Variants in DISC1 observed in about 807,000 individuals in gnomAD.
DISC1 encodes the protein DISC1 scaffold protein, also known as disrupted in schizophrenia 1 protein.
Under a neutral mutation model 84.5 loss-of-function variants are expected in DISC1, and 57 were observed. That is an observed-to-expected ratio of 0.67 (90% confidence interval 0.55 to 0.84). DISC1 has a LOEUF of 0.84. Ranked by LOEUF, DISC1 falls within the 40% of genes least tolerant of loss-of-function variation. DISC1 has a pLI of 0.00. For missense variants in DISC1, 1,000 were observed against 1,057.8 expected (o/e 0.95, Z 0.76); for synonymous variants, 411 against 415.2 (o/e 0.99, Z 0.12).
rs1225710577 is a variant in DISC1, at chr1:231,774,213, C to T, written c.1634+3143C>T. ...AGATTACAGTGAACTATGATTGTGC[C>T]ACTGCAGTCCAGCCAGGGCAACAGA... On this transcript the variant is annotated intron_variant, in intron 6 of 12. Transcript: ENST00000439617. 2.0e-5 allele frequency among the ~76,000 whole-genome samples: 3 copies of T among 151,818 alleles called. No individual in the cohort carries two copies. The East Asian group carries it at 5.8e-4, about 29-fold the overall frequency.
chr1:231,752,510 G>A (rs1008289304), intron 4 of DISC1, among the ~76,000 whole-genome samples: 2 of 152,150 alleles, frequency 1.3e-5, no homozygotes. Context: ...CCCCCATGAT[G>A]CAGTCATCTT....
intron 4 of DISC1, among the ~76,000 whole-genome samples, chr1:231,755,062 A>G (rs1347895662): frequency 1.3e-5 from 2 of 152,206 alleles, no homozygotes; most frequent in African/African-American, 4.8e-5. Context: ...TCTGCTATGT[A>G]TCATGGCAGT....
intron 9 of DISC1, among the ~76,000 whole-genome samples, chr1:231,910,970 C>G (rs2089147191): frequency 6.6e-6 from 1 of 152,122 alleles, no homozygotes; most frequent in Non-Finnish European, 1.5e-5. Flanking sequence ...GGTTTAAAGT[C>G]TGTTTTATCA....
chr1:231,759,526 CAA>C (rs767431903), intron 4 of DISC1, among the ~76,000 whole-genome samples: 3 of 48,296 alleles, frequency 6.2e-5, no homozygotes, highest in East Asian at 1.6e-3. Flanking sequence ...CCCATCTCTA[CAA>C]AAAAAAAAAA....
intron 3 of DISC1, among the ~76,000 whole-genome samples, chr1:231,739,438 G>T (rs1161331613): frequency 6.6e-6 from 1 of 152,204 alleles, no homozygotes; most frequent in Non-Finnish European, 1.5e-5. Context: ...CCCAGGCCCT[G>T]GCAGGCTCAT....
At chr1:231,802,283 G>T (rs751894260) in intron 8 of DISC1, among the ~76,000 whole-genome samples, 1 of 152,086 alleles carries the variant, frequency 6.6e-6, no homozygotes. Flanking sequence ...TGCTGTTTTC[G>T]TGATAGTGAG....
intron 10 of DISC1, among the ~76,000 whole-genome samples, chr1:232,007,632 G>T (rs556550548): frequency 2.6e-5 from 4 of 152,172 alleles, no homozygotes; most frequent in Non-Finnish European, 5.9e-5. Context: ...CTCCTAGGTG[G>T]AAGAGACTTA....
rs185066165 is a variant in DISC1, at chr1:231,690,708, A to G, written c.68-3118A>G. Among the ~76,000 whole-genome samples the G allele has an allele frequency of 2.9e-3, 446 of 152,360 alleles. 6 individuals are homozygous for G. The highest frequency in any genetic ancestry group is 0.01 in the African/African-American group (426 of 41,582). ...TAGTGAGAAAAAATGGCCTTTCGTT[A>G]TGGGAAACTGGGAGTTTTTCCTACA... On this transcript the variant is annotated intron_variant, in intron 1 of 12. Transcript: ENST00000439617.
intron 9 of DISC1, among the ~76,000 whole-genome samples, chr1:231,828,637 G>A (rs1029656708): frequency 6.6e-5 from 10 of 152,090 alleles, no homozygotes; most frequent in African/African-American, 2.4e-4. Flanking sequence ...TTTTTGAAAT[G>A]AATGAAAAAT....
chr1:231,798,132 C>CACACACACACACAG (rs776225762), intron 7 of DISC1, among the ~76,000 whole-genome samples: 1 of 151,526 alleles, frequency 6.6e-6, no homozygotes, highest in Non-Finnish European at 1.5e-5. Flanking sequence ...CACACACACA[C>CACACACACACACAG]ACATACACAC....
At chr1:232,010,766 A>G (rs1249204664) in intron 11 of DISC1, among the ~76,000 whole-genome samples, 1 of 152,194 alleles carries the variant, frequency 6.6e-6, no homozygotes, top group Non-Finnish European at 1.5e-5. Context: ...CAAAAGGAGT[A>G]TGATTTAATG....
chr1:231,648,453 G>A (rs528308428), intron 1 of DISC1, among the ~76,000 whole-genome samples: 3 of 152,106 alleles, frequency 2.0e-5, no homozygotes, highest in Admixed American at 1.3e-4. Context: ...TGCTGGATTC[G>A]GTTTGCCGGT....
At chr1:231,680,428 G>C (rs931964350) in intron 1 of DISC1, among the ~76,000 whole-genome samples, 1 of 152,166 alleles carries the variant, frequency 6.6e-6, no homozygotes, top group Admixed American at 6.5e-5. Flanking sequence ...GCATATAGCA[G>C]CAGGTTGTTG....
chr1:231,687,829 A>C (rs1435836307), intron 1 of DISC1, among the ~76,000 whole-genome samples: 2 of 152,218 alleles, frequency 1.3e-5, no homozygotes, highest in Non-Finnish European at 2.9e-5. Flanking sequence ...CAGTTTGGGA[A>C]GGTGAAACAG....
At chr1:231,955,256 C>T (rs1659230753) in intron 9 of DISC1, among the ~76,000 whole-genome samples, 1 of 152,138 alleles carries the variant, frequency 6.6e-6, no homozygotes, top group Admixed American at 6.5e-5. Flanking sequence ...GCTTCAAACG[C>T]CAATCCCAAA....
intron 9 of DISC1, among the ~76,000 whole-genome samples, chr1:231,907,445 C>G (rs2088827086): frequency 6.7e-6 from 1 of 150,136 alleles, no homozygotes; most frequent in African/African-American, 2.5e-5. Flanking sequence ...TGATAGTTTG[C>G]TGAGAATGAT....
chr1:231,903,676 C>T (rs182032787), intron 9 of DISC1, among the ~76,000 whole-genome samples: 4 of 152,298 alleles, frequency 2.6e-5, no homozygotes, highest in Non-Finnish European at 1.5e-5. Context: ...CAGAGGGAGC[C>T]TCAAGGCCTT....
rs1435719363 is a variant in DISC1 at position 231,703,497 on chromosome 1, A to G, written c.1117+1473A>G. Among the ~76,000 whole-genome samples, 4 of 152,296 alleles carry G rather than the reference A, an allele frequency of 2.6e-5. No individual in the cohort carries two copies. In the South Asian group the frequency reaches 6.2e-4, roughly 24 times the overall value. On this transcript the variant is annotated intron_variant, in intron 3 of 12. Transcript: ENST00000439617. ...ATTGCACAGATTTATTTTTATTACC[A>G]TGAATTGAGTCCTGGACTCTCTACC...
chr1:232,038,680 T>C lies in DISC1; in HGVS notation c.*1849T>C, dbSNP rs186349418. The C allele has an allele frequency of 2.1e-4, 32 of 152,310 alleles. No homozygotes were observed. Among genetic ancestry groups the C allele is most frequent in the Admixed American group, 2.1e-3 (32 of 15,302 alleles). 9.4% of individuals were successfully genotyped at this position (152,310 alleles called of 1,614,324 possible). Reference sequence around the variant, plus strand: ...GTCCAAACTCTGATTTACATCACTTTAGAAACCACACTCACACTTTTGCAG... The same window carrying C: ...GTCCAAACTCTGATTTACATCACTTCAGAAACCACACTCACACTTTTGCAG... On this transcript the variant is annotated 3_prime_UTR_variant, in exon 13 of 13. Transcript: ENST00000439617.
Sources: gnomAD v4.1 joint callset for allele counts (sites outside exome capture counted in the v4.1 genomes callset) on GRCh38, gnomAD v4.1.1 for gene constraint, MANE v1.5 for transcripts, NCBI Gene and HGNC (gene_info 2026-07-23, HGNC 2026-07-21) for gene names.